The following TXK variants were observed in gnomAD, a reference collection of about 807,000 sequenced individuals.
TXK encodes the protein tyrosine-protein kinase TXK.
Under a neutral mutation model 81.0 loss-of-function variants are expected in TXK, and 60 were observed. The observed-to-expected ratio is 0.74, with a 90% confidence interval of 0.60 to 0.92. TXK has a LOEUF of 0.92. Among genes scored for constraint, TXK ranks in the 40% least tolerant of loss-of-function variants. The pLI is 0.00. For missense variants in TXK, 581 were observed against 638.3 expected, an observed-to-expected ratio of 0.91 and a Z score of 0.97; for synonymous variants, 203 against 210.7, an observed-to-expected ratio of 0.96 and a Z score of 0.32.
intron 1 of TXK, among the ~76,000 whole-genome samples, chr4:48,116,751 C>T (rs1016551744): frequency 1.3e-5 from 2 of 152,202 alleles, no homozygotes; most frequent in African/African-American, 4.8e-5. Flanking sequence ...TTGGCCTAAC[C>T]CAGCAGGAAG....
chr4:48,098,921 A>G (rs1025138717), intron 6 of TXK, among the ~76,000 whole-genome samples: 3 of 148,936 alleles, frequency 2.0e-5, no homozygotes, highest in African/African-American at 7.5e-5. Flanking sequence ...CAACAGAGCA[A>G]GACTGTCAAA....
At chr4:48,089,661 G>T in intron 9 of TXK, 89 bp downstream of exon 9, 1 of 1,106,580 alleles carries the variant, frequency 9.0e-7, no homozygotes, top group Non-Finnish European at 1.4e-6. Flanking sequence ...CAAAGTGCTA[G>T]GATTACAGCT....
chr4:48,089,676 G>C (rs763655127), intron 9 of TXK, 74 bp downstream of exon 9: 22 of 1,266,740 alleles, frequency 1.7e-5, no homozygotes, highest in Non-Finnish European at 2.3e-5. Context: ...ACAGCTGTGA[G>C]CCACCGCACC....
intron 6 of TXK, 54 bp downstream of exon 6, chr4:48,104,847 C>A: frequency 1.4e-6 from 2 of 1,408,294 alleles, no homozygotes; most frequent in South Asian, 1.3e-5. Context: ...TGGTTAAAGT[C>A]TTTATAAGTA....
At chr4:48,087,982 C>A (rs1717600311) in intron 9 of TXK, among the ~76,000 whole-genome samples, 1 of 151,994 alleles carries the variant, frequency 6.6e-6, no homozygotes, top group Non-Finnish European at 1.5e-5. Context: ...AAGACATATA[C>A]CCTAACTTTT....
rs751948570 is a variant in TXK, at chr4:48,127,862, T to TC, written c.16+6292dup. Among the ~76,000 whole-genome samples the TC allele has an allele frequency of 2.1e-4, 32 of 152,280 alleles. No individual in the cohort carries two copies. In the East Asian group the frequency reaches 2.3e-3, roughly 11 times the overall value. ...CCTTGGAAGGATTTGCGCCCCTCTG[T>TC]CCTCTAGGAGAGGCTCCTATTGACA... On this transcript the variant is annotated intron_variant, in intron 1 of 14. Transcript: ENST00000264316.
chr4:48,074,372 A>G (rs1716982257), intron 12 of TXK, among the ~76,000 whole-genome samples: 1 of 151,714 alleles, frequency 6.6e-6, no homozygotes, highest in African/African-American at 2.4e-5. Flanking sequence ...AACAACCAAG[A>G]TTATAAAAAG....
chr4:48,094,077 C>A lies in TXK; in HGVS notation c.709G>T (p.Gly237Cys). The change falls in exon 8 of 15, where the codon GGT becomes TGT. Residue 237 changes from glycine to cysteine, a missense_variant and splice_region_variant. Gly to Cys is a radical substitution (Grantham distance 159). Coordinates refer to ENST00000264316, the MANE Select transcript of TXK (RefSeq NM_003328.3). ...ACCCAGCTGGAAGTTCCCCTCTTAC[C>A]GGCTGCATTGTGCTGGTGATACCAG... ...LIWYHQHNAA[G>C]LMTRLRYPVG... is the part of the protein sequence containing the mutation. 6.2e-7 allele frequency: 1 copy of A among 1,613,258 alleles called. No individual in the cohort carries two copies. Among genetic ancestry groups the A allele is most frequent in the Non-Finnish European group, 8.5e-7 (1 of 1,180,024 alleles).
At chr4:48,126,485 G>T (rs962068579) in intron 1 of TXK, among the ~76,000 whole-genome samples, 3 of 151,850 alleles carry the variant, frequency 2.0e-5, no homozygotes, top group African/African-American at 7.3e-5. Context: ...CAACAACTTT[G>T]TGTGTGTGTG....
chr4:48,107,746 A>T (rs1413624040), intron 5 of TXK, among the ~76,000 whole-genome samples: 1 of 151,424 alleles, frequency 6.6e-6, no homozygotes, highest in Non-Finnish European at 1.5e-5. Context: ...GCTCCAGTGT[A>T]TCATAACACT....
chr4:48,117,751 G>A (rs564110790), intron 1 of TXK, among the ~76,000 whole-genome samples: 5 of 152,316 alleles, frequency 3.3e-5, no homozygotes, highest in African/African-American at 1.2e-4. Context: ...CATATTTGCT[G>A]ATGGTTTAAG....
chr4:48,123,629 A>G (rs1357721190), intron 1 of TXK, among the ~76,000 whole-genome samples: 1 of 152,210 alleles, frequency 6.6e-6, no homozygotes, highest in Admixed American at 6.5e-5. Flanking sequence ...TCTGTGAAGT[A>G]GATGCCGTTT....
chr4:48,113,235 C>T lies in TXK; in HGVS notation c.146G>A (p.Trp49Ter). The T allele has an allele frequency of 1.2e-6, 2 of 1,613,404 alleles. No homozygotes were observed. The highest frequency in any genetic ancestry group is 1.7e-6 in the Non-Finnish European group (2 of 1,179,602). ...CTTCTTATTTGACAATTGGCTGAGC[C>T]ACGGCCTGCGACGCTGGGTGTATTT... ...PEKYTQRRRP[W>*]LSQLSNKKQS... Residue 49 changes from tryptophan to a stop codon, truncating the protein, a stop_gained, in exon 3 of 15, where the codon TGG becomes TAG. Coordinates refer to ENST00000264316, the MANE Select transcript of TXK (RefSeq NM_003328.3). LOFTEE classifies it high-confidence loss of function.
chr4:48,106,404 A>G (rs1448778235), intron 5 of TXK, among the ~76,000 whole-genome samples: 1 of 150,876 alleles, frequency 6.6e-6, no homozygotes, highest in African/African-American at 2.4e-5. Flanking sequence ...TTTTTTTAAT[A>G]TGTAAGTAAA....
chr4:48,096,925 A>G lies in TXK; in HGVS notation c.502-1703T>C, dbSNP rs139230070. On this transcript the variant is annotated intron_variant, in intron 6 of 14. Transcript: ENST00000264316. Reference sequence around the variant, plus strand: ...AACATCACATATTAGCACCTCTGCTATGCAGTTCAAGCAGTACTCAGAAAA... The same window carrying G: ...AACATCACATATTAGCACCTCTGCTGTGCAGTTCAAGCAGTACTCAGAAAA... Among the ~76,000 whole-genome samples the G allele has an allele frequency of 2.8e-3, 429 of 152,366 alleles. 4 individuals carry two copies. The highest frequency in any genetic ancestry group is 1.0e-2 in the African/African-American group (414 of 41,588).
At chr4:48,085,734 G>A (rs960771927) in intron 10 of TXK, among the ~76,000 whole-genome samples, 1 of 152,120 alleles carries the variant, frequency 6.6e-6, no homozygotes, top group Non-Finnish European at 1.5e-5. Context: ...ATTGAGAGGA[G>A]TTCTGCTGGG....
chr4:48,079,393 G>A (rs563879531), intron 11 of TXK, among the ~76,000 whole-genome samples: 1 of 152,120 alleles, frequency 6.6e-6, no homozygotes, highest in Non-Finnish European at 1.5e-5. Flanking sequence ...TGCACTTGAT[G>A]GATCAGCTGG....
chr4:48,067,981 T>C (rs925464710), intron 14 of TXK, among the ~76,000 whole-genome samples: 2 of 152,160 alleles, frequency 1.3e-5, no homozygotes, highest in African/African-American at 4.8e-5. Flanking sequence ...CTTGACTGAC[T>C]GACATAGCAC....
Position 48,094,165 on chromosome 4 carries a change from C to CT in TXK, c.620dup (p.Asn208GlufsTer2), listed in dbSNP as rs774598005. ...CCACATACCACTGTCCTGAGTCATT[C>CT]TTTTTTATCTGATAATGTTTTATGG... On this transcript the variant is annotated frameshift_variant, in exon 8 of 15. Transcript: ENST00000264316. LOFTEE classifies it high-confidence loss of function. 6.2e-7 allele frequency: 1 copy of CT among 1,613,770 alleles called. No individual in the cohort carries two copies.
Sources: allele counts gnomAD v4.1 joint callset (sites outside exome capture counted in the v4.1 genomes callset), GRCh38; gene constraint gnomAD v4.1.1; transcripts MANE v1.5; gene names NCBI Gene and HGNC (gene_info 2026-07-23, HGNC 2026-07-21).